The following GRAMD4 variants were observed in gnomAD, a reference collection of about 807,000 sequenced individuals.
GRAMD4 encodes the protein GRAM domain containing 4, also known as GRAM domain-containing protein 4.
GRAMD4 carries 25 observed loss-of-function variants against 83.9 expected under a neutral mutation model. The ratio of observed to expected loss-of-function variants is 0.30; its 90% CI spans 0.22 to 0.42. The LOEUF (loss-of-function observed/expected upper bound fraction) is 0.42, where lower values mean the gene tolerates loss of function less well. GRAMD4 is among the 10% of genes least tolerant of loss of function. GRAMD4 has a pLI of 1.00. For synonymous variants in GRAMD4, 336 were observed against 320.9 expected, an observed-to-expected ratio of 1.05 and a Z score of -0.50; for missense variants, 593 against 788.7, an observed-to-expected ratio of 0.75 and a Z score of 2.97.
chr22:46,614,285 C>T (rs540493771), intron 1 of GRAMD4, among the ~76,000 whole-genome samples: 1 of 152,326 alleles, frequency 6.6e-6, no homozygotes, highest in East Asian at 1.9e-4. Context: ...CGGGGCGCTG[C>T]TGCCACTCGG....
chr22:46,613,163 G>T (rs1479553642), intron 1 of GRAMD4, among the ~76,000 whole-genome samples: 1 of 152,224 alleles, frequency 6.6e-6, no homozygotes, highest in Non-Finnish European at 1.5e-5. Flanking sequence ...CTGTGTTTTT[G>T]CTGTCGTTAC....
In GRAMD4 at chr22:46,622,772, TGTG is replaced by T. The variant is rs1308153312; in HGVS notation, c.-50+2212_-50+2214del. On this transcript the variant is annotated intron_variant, in intron 1 of 18. Transcript: ENST00000406902. The surrounding 1 kb of genome is among the most constrained non-coding windows in gnomAD (Gnocchi z 4.0). ...ACTAAAAATACAAAAAATTAGCTGG[TGTG>T]GTGGCGGGTGCCTGTAGTCCCAGCT... Among the ~76,000 whole-genome samples, 1 of 151,692 alleles carries T rather than the reference TGTG, an allele frequency of 6.6e-6. No individual in the cohort carries two copies. Among genetic ancestry groups the T allele is most frequent in the East Asian group, 1.9e-4 (1 of 5,168 alleles).
intron 13 of GRAMD4, among the ~76,000 whole-genome samples, chr22:46,671,359 A>T (rs2082501731): frequency 6.6e-6 from 1 of 152,214 alleles, no homozygotes; most frequent in African/African-American, 2.4e-5. Flanking sequence ...CCCAGCCAAC[A>T]TGGTGAAACC....
rs186913650 is a variant in GRAMD4, at chr22:46,661,298, C to T, written c.405-83C>T. On this transcript the variant is annotated intron_variant, in intron 4 of 18. Coordinates refer to ENST00000406902, the MANE Select transcript of GRAMD4 (RefSeq NM_015124.5). ...TGACCTCTCCTGTGCAGTACACGGTCGCGAGAGCCCTCGGGGGTGCCTGAC... is the reference window on the plus strand; with the variant it reads ...TGACCTCTCCTGTGCAGTACACGGTTGCGAGAGCCCTCGGGGGTGCCTGAC... 5.0e-4 allele frequency: 508 copies of T among 1,010,606 alleles called. 4 individuals carry two copies. The Admixed American group carries it at 7.0e-3, about 14-fold the overall frequency. The allele number at this position is 1,010,606 out of a possible 1,614,324, so 62.6% of individuals were successfully genotyped here.
chr22:46,651,014 T>C (rs1218887831), intron 3 of GRAMD4, among the ~76,000 whole-genome samples: 1 of 152,104 alleles, frequency 6.6e-6, no homozygotes, highest in African/African-American at 2.4e-5. Context: ...TAGGTTGGAG[T>C]GGGGGCAGGC....
At position 46,626,758 on chromosome 22, in the gene GRAMD4, G is replaced by A. The variant is rs191181420; in HGVS notation, c.-42G>A. The A allele has an allele frequency of 2.4e-5, 39 of 1,599,816 alleles. No individual in the cohort carries two copies. The highest frequency in any genetic ancestry group is 3.2e-5 in the Non-Finnish European group (37 of 1,169,296). ...CACGCCCCTCTCTTGCAGGGAACCCGAGCGTCATGTTAGGGTGAAGCAGAG... is the reference window on the plus strand; with the variant it reads ...CACGCCCCTCTCTTGCAGGGAACCCAAGCGTCATGTTAGGGTGAAGCAGAG... On this transcript the variant is annotated 5_prime_UTR_variant, in exon 2 of 19. Coordinates refer to ENST00000406902, the MANE Select transcript of GRAMD4 (RefSeq NM_015124.5).
rs2082623422 is a variant in GRAMD4, at chr22:46,677,949, GGGC to G, written c.*700_*702del. ...GTGGCACCTTCCTTGCTGGCCTCCA[GGGC>G]GCTCAGCACCGCGTCTGTAAGGGCC... On this transcript the variant is annotated 3_prime_UTR_variant, in exon 19 of 19. Coordinates refer to ENST00000406902, the MANE Select transcript of GRAMD4 (RefSeq NM_015124.5). The G allele has an allele frequency of 1.0e-6, 1 of 985,266 alleles. No individual in the cohort carries two copies. Among genetic ancestry groups the G allele is most frequent in the African/African-American group, 1.7e-5 (1 of 57,388 alleles). The allele number at this position is 985,266 out of a possible 1,614,324, so 61.0% of individuals were successfully genotyped here. A position where few individuals can be genotyped will look rare whatever the true frequency, so the allele number is the denominator to read the frequency against.
intron 2 of GRAMD4, among the ~76,000 whole-genome samples, chr22:46,635,931 G>T (rs1028775639): frequency 1.6e-4 from 25 of 152,194 alleles, no homozygotes; most frequent in Non-Finnish European, 3.2e-4. Context: ...GGGTCCAGCT[G>T]CAGGCTTTGC....
chr22:46,635,552 G>A lies in GRAMD4; in HGVS notation c.163-2288G>A, dbSNP rs112538971. Among the ~76,000 whole-genome samples the A allele has an allele frequency of 4.6e-3, 36 of 7,776 alleles. 1 individual carries two copies. Among genetic ancestry groups the A allele is most frequent in the South Asian group, 0.017 (2 of 118 alleles). 5.1% of individuals were successfully genotyped at this position (7,776 alleles called of 152,430 possible). ...GGCCACTCCTGTCCTGGGAGGCCGT[G>A]TCCTCCCTGCCCCCGCCCCCGGCCA... On this transcript the variant is annotated intron_variant, in intron 2 of 18. Coordinates refer to ENST00000406902, the MANE Select transcript of GRAMD4 (RefSeq NM_015124.5).
intron 5 of GRAMD4, 22 bp from the exon 6 acceptor site, chr22:46,663,018 A>T (rs1407545160): frequency 6.3e-7 from 1 of 1,588,380 alleles, no homozygotes; most frequent in South Asian, 1.1e-5. Context: ...CCGTGCCCTC[A>T]CCGGGTCCCT....
Position 46,653,588 on chromosome 22 carries a change from C to G in GRAMD4, c.284-4599C>G, listed in dbSNP as rs558529441. The stretch of plus-strand genomic sequence containing the variant: ...TCAAGCTTTGGCCAGTGCTCTGCCG[C>G]GTGGTGGAACCTGGCTGGCTGCTGC... On this transcript the variant is annotated intron_variant, in intron 3 of 18. Transcript: ENST00000406902. Among the ~76,000 whole-genome samples the G allele has an allele frequency of 4.5e-4, 68 of 152,300 alleles. 1 individual carries two copies. The highest frequency in any genetic ancestry group is 1.5e-3 in the African/African-American group (63 of 41,568).
At chr22:46,581,379 C>A (rs1377104453) in intron 1 of GRAMD4, among the ~76,000 whole-genome samples, 1 of 152,240 alleles carries the variant, frequency 6.6e-6, no homozygotes, top group East Asian at 1.9e-4. Flanking sequence ...AACTGAGGCA[C>A]CGGGAGGCAG....
chr22:46,632,284 G>C (rs2081786290), intron 2 of GRAMD4, among the ~76,000 whole-genome samples: 1 of 152,200 alleles, frequency 6.6e-6, no homozygotes, highest in South Asian at 2.1e-4. Context: ...GCAAGAAGGA[G>C]GTGGGCATGC....
In GRAMD4 at chr22:46,587,640, CGTCCT is replaced by C. The variant is rs527792297; in HGVS notation, c.-50+10373_-50+10377del. Among the ~76,000 whole-genome samples, 299 of 151,966 alleles carry C rather than the reference CGTCCT, an allele frequency of 2.0e-3. 2 individuals are homozygous for C. The highest frequency in any genetic ancestry group is 6.8e-3 in the African/African-American group (280 of 41,428). On this transcript the variant is annotated intron_variant, in intron 1 of 1. Coordinates refer to the GRAMD4 transcript ENST00000431155. ...GGATGGGGGTCAGTGGGCAAGGCTC[CGTCCT>C]GTCCTGTCCTGTCCTGTCCTGTGGG...
At chr22:46,619,547 G>A (rs138492), upstream of GRAMD4, among the ~76,000 whole-genome samples, 34,640 of 152,046 alleles carry the variant, frequency 0.23, 4,423 homozygotes, top group Non-Finnish European at 0.29. Context: ...GCCCACCTCA[G>A]CCTCTCAAAG....
In GRAMD4 at chr22:46,598,598, C is replaced by T. The variant is rs113555559; in HGVS notation, c.-50+21308C>T. On this transcript the variant is annotated intron_variant, in intron 1 of 1. Coordinates refer to the GRAMD4 transcript ENST00000431155. ...GCCGGCTCCTGGCTCACCTGTGGGT[C>T]TAGGTGGTAGCTTCTGGTTAGTTGA... Among the ~76,000 whole-genome samples, 257 of 151,916 alleles carry T rather than the reference C, an allele frequency of 1.7e-3. 1 individual carries two copies. Among genetic ancestry groups the T allele is most frequent in the African/African-American group, 6.0e-3 (248 of 41,422 alleles).
chr22:46,663,257 T>C, intron 6 of GRAMD4, 85 bp downstream of exon 6: 1 of 1,308,452 alleles, frequency 7.6e-7, no homozygotes, highest in Admixed American at 1.8e-5. Flanking sequence ...CCATCCTTTA[T>C]CACCGTGGGC....
upstream of GRAMD4, among the ~76,000 whole-genome samples, chr22:46,576,890 G>A (rs1041253853): frequency 6.8e-5 from 10 of 146,496 alleles, no homozygotes; most frequent in African/African-American, 2.0e-4. Flanking sequence ...AGCGGCGGGG[G>A]CGCACGTGGC....
chr22:46,610,571 T>C (rs138518), intron 1 of GRAMD4, among the ~76,000 whole-genome samples: 121,239 of 152,232 alleles, frequency 0.8, 48,999 homozygotes, highest in East Asian at 1. Context: ...AGCCGCTCCC[T>C]GTGCCTTCGC....
Sources: gnomAD v4.1 joint callset for allele counts (sites outside exome capture counted in the v4.1 genomes callset) on GRCh38, gnomAD v4.1.1 for gene constraint, Gnocchi (gnomAD v3.1) non-coding constraint, MANE v1.5 for transcripts, NCBI Gene and HGNC (gene_info 2026-07-23, HGNC 2026-07-21) for gene names.